GRIK2: variants seen among roughly 807,000 people sequenced by gnomAD.
GRIK2 encodes the protein glutamate receptor ionotropic, kainate 2.
A neutral mutation model predicts 100.3 loss-of-function variants in GRIK2; 32 were observed. The observed-to-expected ratio is 0.32, with a 90% CI of 0.24 to 0.43. The LOEUF is 0.43. Among genes scored for constraint, GRIK2 ranks in the 20% least tolerant of loss-of-function variants. The pLI, the probability that GRIK2 is intolerant of heterozygous loss-of-function variation, is 1.00. For synonymous variants in GRIK2, 417 were observed against 389.4 expected (o/e 1.07, Z -0.83); for missense variants, 843 against 1,114.9 (o/e 0.76, Z 3.47).
chr6:101,880,346 C>A (rs561831410), intron 11 of GRIK2, among the ~76,000 whole-genome samples: 6 of 152,136 alleles, frequency 3.9e-5, no homozygotes, highest in African/African-American at 1.4e-4. Context: ...CATAAGTTAT[C>A]TCAAATATTC....
intron 14 of GRIK2, among the ~76,000 whole-genome samples, chr6:101,957,039 G>T (rs1582613470): frequency 6.6e-6 from 1 of 151,716 alleles, no homozygotes; most frequent in African/African-American, 2.4e-5. Flanking sequence ...TTAAATAACT[G>T]TTCTATTTTT....
At chr6:101,581,777 TACTA>T (rs575457309) in intron 2 of GRIK2, among the ~76,000 whole-genome samples, 2 of 152,100 alleles carry the variant, frequency 1.3e-5, no homozygotes, top group Non-Finnish European at 2.9e-5. Context: ...AGAAGTAAAA[TACTA>T]AATAAAATGT....
At chr6:102,040,374 A>C (rs1233549303) in intron 15 of GRIK2, among the ~76,000 whole-genome samples, 1 of 151,674 alleles carries the variant, frequency 6.6e-6, no homozygotes, top group East Asian at 1.9e-4. Flanking sequence ...TATGAATATC[A>C]AAAAGCAGTA....
At chr6:101,698,538 G>A (rs1326119053) in intron 7 of GRIK2, among the ~76,000 whole-genome samples, 1 of 151,846 alleles carries the variant, frequency 6.6e-6, no homozygotes, top group Admixed American at 6.6e-5. Flanking sequence ...AACCAGAAGG[G>A]GAAAGTGAAG....
chr6:101,907,330 A>G (rs900590714), intron 12 of GRIK2, among the ~76,000 whole-genome samples: 1 of 151,698 alleles, frequency 6.6e-6, no homozygotes, highest in Non-Finnish European at 1.5e-5. Context: ...TAAAAACGAT[A>G]AAAGTGCATA....
At chr6:101,703,022 G>A (rs2518303) in intron 7 of GRIK2, among the ~76,000 whole-genome samples, 1 of 151,744 alleles carries the variant, frequency 6.6e-6, no homozygotes, top group Admixed American at 6.6e-5. Context: ...TTGTTTACTA[G>A]TGTATTATTT....
intron 4 of GRIK2, among the ~76,000 whole-genome samples, chr6:101,668,060 T>G (rs1770160231): frequency 6.6e-6 from 1 of 152,184 alleles, no homozygotes; most frequent in Non-Finnish European, 1.5e-5. Flanking sequence ...AAAGAAAATT[T>G]CAAAGAAAGA....
At chr6:101,755,678 A>G (rs1777093503) in intron 7 of GRIK2, among the ~76,000 whole-genome samples, 1 of 152,128 alleles carries the variant, frequency 6.6e-6, no homozygotes, top group Non-Finnish European at 1.5e-5. Context: ...ATAAAAACCT[A>G]ATTTAAAAGT....
chr6:101,660,047 A>T (rs1017289663), intron 4 of GRIK2, among the ~76,000 whole-genome samples: 1 of 152,122 alleles, frequency 6.6e-6, no homozygotes, highest in Admixed American at 6.5e-5. Flanking sequence ...GTTCTCCTTG[A>T]TAATATCCTG....
chr6:101,992,588 G>A (rs928892470), intron 14 of GRIK2, among the ~76,000 whole-genome samples: 4 of 151,434 alleles, frequency 2.6e-5, no homozygotes, highest in South Asian at 2.1e-4. Context: ...TGGTAAAGAC[G>A]AAAAAAGAAC....
chr6:101,442,084 G>A (rs527832493), intron 2 of GRIK2, among the ~76,000 whole-genome samples: 1 of 152,112 alleles, frequency 6.6e-6, no homozygotes, highest in Non-Finnish European at 1.5e-5. Context: ...ATTGAGATTT[G>A]AAGGTTTGCT....
chr6:101,732,787 C>T (rs1775366103), intron 7 of GRIK2, among the ~76,000 whole-genome samples: 1 of 152,018 alleles, frequency 6.6e-6, no homozygotes. Flanking sequence ...AGTCCACCAG[C>T]CTCTGCTTGA....
chr6:102,021,390 A>C (rs761075196), intron 14 of GRIK2, among the ~76,000 whole-genome samples: 1 of 151,232 alleles, frequency 6.6e-6, no homozygotes, highest in Non-Finnish European at 1.5e-5. Flanking sequence ...GACAGTTAAA[A>C]TAATATTCTT....
At chr6:101,417,862 T>C (rs563423346) in intron 2 of GRIK2, among the ~76,000 whole-genome samples, 1 of 152,340 alleles carries the variant, frequency 6.6e-6, no homozygotes, top group African/African-American at 2.4e-5. Context: ...TGAATGTCAC[T>C]TTTCTTATTT....
At chr6:102,036,260 C>CATAT (rs749145990) in intron 15 of GRIK2, among the ~76,000 whole-genome samples, 28 of 149,508 alleles carry the variant, frequency 1.9e-4, no homozygotes, top group African/African-American at 6.2e-4. Context: ...CACACACACA[C>CATAT]ATATATATAT....
At chr6:101,548,620 C>A (rs1776363102) in intron 2 of GRIK2, among the ~76,000 whole-genome samples, 1 of 152,120 alleles carries the variant, frequency 6.6e-6, no homozygotes, top group African/African-American at 2.4e-5. Context: ...TGCCAAAGAT[C>A]AGATAGTTGT....
At chr6:101,828,344 A>G (rs565440802) in intron 10 of GRIK2, among the ~76,000 whole-genome samples, 20 of 151,950 alleles carry the variant, frequency 1.3e-4, no homozygotes, top group Non-Finnish European at 2.5e-4. Flanking sequence ...TCTCAAATTA[A>G]CAACCTAATC....
intron 14 of GRIK2, among the ~76,000 whole-genome samples, chr6:102,021,795 T>A (rs898363269): frequency 5.9e-5 from 9 of 151,608 alleles, no homozygotes; most frequent in African/African-American, 1.4e-4. Context: ...ATTATAATTA[T>A]GATTTCTTTA....
intron 10 of GRIK2, among the ~76,000 whole-genome samples, chr6:101,858,624 C>T (rs541845452): frequency 2.6e-5 from 4 of 151,788 alleles, no homozygotes; most frequent in Admixed American, 6.6e-5. Context: ...CTCCTGACCT[C>T]GTGATCTGCC....
Sources: gnomAD v4.1 joint callset for allele counts (sites outside exome capture counted in the v4.1 genomes callset) on GRCh38, gnomAD v4.1.1 for gene constraint, MANE v1.5 for transcripts, NCBI Gene and HGNC (gene_info 2026-07-23, HGNC 2026-07-21) for gene names.